The following GPHN variants were observed in gnomAD, a reference collection of about 807,000 sequenced individuals.
The protein encoded by GPHN is gephyrin.
A neutral mutation model predicts 95.5 loss-of-function variants in GPHN; 17 were observed. The ratio of observed to expected loss-of-function variants is 0.18; its 90% CI spans 0.12 to 0.27. The LOEUF (loss-of-function observed/expected upper bound fraction) is 0.27, where lower values mean the gene tolerates loss of function less well. GPHN is among the 10% of genes least tolerant of loss of function. The probability of loss-of-function intolerance (pLI) is 1.00; values close to 1 mark genes in which losing one functional copy is unlikely to be tolerated. For missense variants in GPHN, 660 were observed against 978.1 expected, an observed-to-expected ratio of 0.67 and a Z score of 4.34; for synonymous variants, 320 against 322.5, an observed-to-expected ratio of 0.99 and a Z score of 0.08.
At chr14:66,723,325 G>A (rs932041187) in intron 2 of GPHN, among the ~76,000 whole-genome samples, 4 of 150,888 alleles carry the variant, frequency 2.7e-5, no homozygotes, top group African/African-American at 7.3e-5. Flanking sequence ...ATTTATAAAA[G>A]GTTATAACCT....
the GPHN span, among the ~76,000 whole-genome samples, chr14:67,474,157 C>G: frequency 6.6e-6 from 1 of 152,020 alleles, no homozygotes; most frequent in Non-Finnish European, 1.5e-5. Context: ...GAAGCTGAGG[C>G]AGAAGAATCG....
intron 2 of GPHN, among the ~76,000 whole-genome samples, chr14:66,690,854 A>G (rs1346427887): frequency 6.6e-6 from 1 of 152,224 alleles, no homozygotes; most frequent in African/African-American, 2.4e-5. Context: ...TATGAAGGTC[A>G]CATAAGGTTG....
intron 11 of GPHN, among the ~76,000 whole-genome samples, chr14:67,077,122 A>C (rs2076525484): frequency 6.6e-6 from 1 of 152,144 alleles, no homozygotes; most frequent in Non-Finnish European, 1.5e-5. Context: ...GACTTGTGAT[A>C]ATTTGACTTG....
intron 1 of GPHN, among the ~76,000 whole-genome samples, chr14:66,656,366 C>A (rs537025431): frequency 6.6e-6 from 1 of 152,274 alleles, no homozygotes; most frequent in Admixed American, 6.5e-5. Context: ...CTTAGGTTAA[C>A]AAACTGATGT....
At chr14:66,873,908 G>A (rs1356590139) in intron 4 of GPHN, among the ~76,000 whole-genome samples, 1 of 152,186 alleles carries the variant, frequency 6.6e-6, no homozygotes, top group Non-Finnish European at 1.5e-5. Flanking sequence ...CTCTGCTAAG[G>A]GACAGACTGC....
chr14:67,138,136 A>G (rs960494353), intron 17 of GPHN, among the ~76,000 whole-genome samples: 1 of 152,202 alleles, frequency 6.6e-6, no homozygotes, highest in East Asian at 1.9e-4. Flanking sequence ...TATATTTAGA[A>G]GAAGAATAGA....
the GPHN span, among the ~76,000 whole-genome samples, chr14:67,417,346 T>C: frequency 3.6e-4 from 55 of 152,288 alleles, no homozygotes; most frequent in African/African-American, 1.3e-3. Context: ...AAACACACAA[T>C]AGGTTTTTTC....
At chr14:66,538,819 A>G (rs2059237449) in intron 1 of GPHN, among the ~76,000 whole-genome samples, 1 of 150,714 alleles carries the variant, frequency 6.6e-6, no homozygotes, top group South Asian at 2.1e-4. Flanking sequence ...TGAAAAACAT[A>G]CAATATATGT....
At chr14:67,542,549 T>A in the GPHN span, among the ~76,000 whole-genome samples, 7 of 152,184 alleles carry the variant, frequency 4.6e-5, no homozygotes, top group Non-Finnish European at 8.8e-5. Flanking sequence ...TTATATCAGA[T>A]CACATATGTA....
downstream of GPHN, among the ~76,000 whole-genome samples, chr14:67,186,271 G>A (rs2083368315): frequency 6.6e-6 from 1 of 152,114 alleles, no homozygotes; most frequent in African/African-American, 2.4e-5. Flanking sequence ...TGCAGGTTAG[G>A]AAAAGTATAT....
At chr14:67,397,736 T>C in the GPHN span, 1 of 1,612,880 alleles carries the variant, frequency 6.2e-7, no homozygotes. Flanking sequence ...TTGGGAGGGG[T>C]CACTCTCCGA....
the GPHN span, among the ~76,000 whole-genome samples, chr14:67,313,526 C>G: frequency 6.6e-6 from 1 of 152,108 alleles, no homozygotes; most frequent in Non-Finnish European, 1.5e-5. Flanking sequence ...ATGGCTCTTA[C>G]AGTTCCCAGG....
At chr14:66,844,800 T>C (rs1001694222) in intron 4 of GPHN, among the ~76,000 whole-genome samples, 1 of 152,136 alleles carries the variant, frequency 6.6e-6, no homozygotes, top group African/African-American at 2.4e-5. Flanking sequence ...ATTCACAGTT[T>C]TGTGCAACCG....
intron 8 of GPHN, among the ~76,000 whole-genome samples, chr14:66,941,098 C>G (rs1362107804): frequency 6.6e-6 from 1 of 151,508 alleles, no homozygotes; most frequent in Non-Finnish European, 1.5e-5. Context: ...CATCACCTGT[C>G]CCTTTTGTTC....
chr14:66,880,350 TTTGTTGTTG>T (rs35170352), intron 5 of GPHN, among the ~76,000 whole-genome samples: 40 of 150,466 alleles, frequency 2.7e-4, no homozygotes, highest in South Asian at 1.0e-3. Flanking sequence ...TTCACTTCTT[TTTGTTGTTG>T]TTGTTGTTGT....
intron 5 of GPHN, among the ~76,000 whole-genome samples, chr14:66,888,550 A>G (rs1446884912): frequency 2.6e-5 from 4 of 152,128 alleles, no homozygotes; most frequent in Admixed American, 6.5e-5. Context: ...TGTTAAATGT[A>G]ATCTTCATAG....
chr14:66,977,107 CAT>C (rs775693705), intron 9 of GPHN, among the ~76,000 whole-genome samples: 46 of 152,142 alleles, frequency 3.0e-4, no homozygotes, highest in Admixed American at 5.9e-4. Context: ...CTTTCATACA[CAT>C]GTGTTGTATA....
chr14:66,709,370 A>G (rs1273279716), intron 2 of GPHN: 4 of 456,026 alleles, frequency 8.8e-6, no homozygotes, highest in Admixed American at 4.7e-5. Flanking sequence ...ATAAATTCCA[A>G]AACTGCCAGT....
chr14:67,395,381 C>T, the GPHN span: 6 of 1,608,620 alleles, frequency 3.7e-6, no homozygotes, highest in East Asian at 1.3e-4. Flanking sequence ...TGCCACAGAG[C>T]CCGGCAAGTG....
Sources: gnomAD v4.1 joint callset for allele counts (sites outside exome capture counted in the v4.1 genomes callset) on GRCh38, gnomAD v4.1.1 for gene constraint, MANE v1.5 for transcripts, NCBI Gene and HGNC (gene_info 2026-07-23, HGNC 2026-07-21) for gene names.